OSMR: variants seen among roughly 807,000 people sequenced by gnomAD.
OSMR encodes the protein oncostatin M receptor.
Under a neutral mutation model 99.9 loss-of-function variants are expected in OSMR, and 81 were observed. The observed-to-expected ratio is 0.81, with a 90% CI of 0.68 to 0.97. OSMR has a LOEUF of 0.97. Ranked by LOEUF, OSMR falls within the 50% of genes least tolerant of loss-of-function variation. The probability of loss-of-function intolerance (pLI) is 0.00; values close to 1 mark genes in which losing one functional copy is unlikely to be tolerated. For missense variants in OSMR, 1,099 were observed against 1,153.4 expected (o/e 0.95, Z 0.68); for synonymous variants, 406 against 410.4 (o/e 0.99, Z 0.13).
intron 9 of OSMR, among the ~76,000 whole-genome samples, chr5:38,912,394 A>G (rs1745645002): frequency 6.6e-6 from 1 of 152,208 alleles, no homozygotes. Context: ...TACAAGGAGA[A>G]CTAGAAAACA....
chr5:38,893,669 G>A (rs1472261064), intron 7 of OSMR, among the ~76,000 whole-genome samples: 1 of 152,120 alleles, frequency 6.6e-6, no homozygotes, highest in Non-Finnish European at 1.5e-5. Flanking sequence ...AAGAAATATG[G>A]CATTATGTAA....
At chr5:38,937,216 G>T (rs533490762), downstream of OSMR, among the ~76,000 whole-genome samples, 1 of 152,146 alleles carries the variant, frequency 6.6e-6, no homozygotes, top group African/African-American at 2.4e-5. This position sits in a 1 kb window ranked among gnomAD's most constrained non-coding sequence, Gnocchi z 4.0. Context: ...TGTATTTTTA[G>T]TAGAGACGGG....
At chr5:38,890,128 A>G (rs758040975) in intron 7 of OSMR, among the ~76,000 whole-genome samples, 11 of 152,214 alleles carry the variant, frequency 7.2e-5, no homozygotes, top group South Asian at 2.1e-4. Context: ...GAAGGTGTCT[A>G]TGTGATACGT....
At chr5:38,875,493 T>C (rs146637541) in intron 2 of OSMR, among the ~76,000 whole-genome samples, 19 of 152,348 alleles carry the variant, frequency 1.2e-4, no homozygotes, top group African/African-American at 4.6e-4. Flanking sequence ...GCCACCAACT[T>C]CAGCAAATCT....
chr5:38,886,073 A>C lies in OSMR; in HGVS notation c.874A>C (p.Asn292His). The change falls in exon 7 of 18, where the codon AAC becomes CAC. Residue 292 changes from asparagine (N) to histidine (H), a missense_variant. By Grantham distance (68) the Asn-to-His change is moderately conservative. Transcript: ENST00000274276. ...GGAAAAGAAACTTTGTACACACAAA[A>C]ACTGGTGTAATTGGCAAATAACTCA... is the stretch of plus-strand genomic sequence containing the variant. ...SGEKKLCTHK[N>H]WCNWQITQDS... The C allele has an allele frequency of 1.9e-6, 3 of 1,613,764 alleles. No individual in the cohort carries two copies. Among genetic ancestry groups the C allele is most frequent in the Non-Finnish European group, 1.7e-6 (2 of 1,179,896 alleles).
intron 1 of OSMR, among the ~76,000 whole-genome samples, chr5:38,848,379 G>A (rs1410060298): frequency 1.3e-5 from 2 of 152,190 alleles, no homozygotes; most frequent in Non-Finnish European, 2.9e-5. Flanking sequence ...TTTTCCAACA[G>A]CTGTGTTGGT....
At chr5:38,872,882 T>C (rs1204401772) in intron 2 of OSMR, among the ~76,000 whole-genome samples, 3 of 152,208 alleles carry the variant, frequency 2.0e-5, no homozygotes, top group African/African-American at 7.2e-5. Context: ...AATTTGGCAA[T>C]AGAATGAAAA....
chr5:38,925,057 T>A, intron 14 of OSMR, 147 bp from the exon 15 acceptor site: 1 of 1,490,502 alleles, frequency 6.7e-7, no homozygotes, highest in Non-Finnish European at 8.9e-7. Flanking sequence ...GGTGATGAAA[T>A]TATGATTTGA....
chr5:38,883,994 A>C lies in OSMR; in HGVS notation c.586A>C (p.Thr196Pro). 4 of 1,613,224 alleles carry C rather than the reference A, an allele frequency of 2.5e-6. No homozygotes were observed. The highest frequency in any genetic ancestry group is 3.4e-6 in the Non-Finnish European group (4 of 1,179,126). The change falls in exon 5 of 18, where the codon ACT (threonine) becomes CCT (proline). Residue 196 changes from threonine (T) to proline (P), a missense_variant. Coordinates refer to ENST00000274276, the MANE Select transcript of OSMR (RefSeq NM_003999.3). ...IHGEQLDPHV[T>P]AFNLNSVPFI... Reference sequence around the variant, plus strand: ...TGGAGAACAACTTGATCCACATGTAACTGCATTCAACTTGAATAGTGTGCC... The same window carrying C: ...TGGAGAACAACTTGATCCACATGTACCTGCATTCAACTTGAATAGTGTGCC...
intron 15 of OSMR, among the ~76,000 whole-genome samples, chr5:38,927,131 C>CT (rs1244686914): frequency 6.6e-6 from 1 of 152,234 alleles, no homozygotes; most frequent in African/African-American, 2.4e-5. Context: ...ACCCCTGTGG[C>CT]TTTGCAGGGT....
intron 1 of OSMR, among the ~76,000 whole-genome samples, chr5:38,855,951 A>T (rs1462795699): frequency 6.6e-6 from 1 of 151,956 alleles, no homozygotes; most frequent in Non-Finnish European, 1.5e-5. Flanking sequence ...GGCTCTCACC[A>T]GCTTGCTTGT....
Position 38,846,155 on chromosome 5 carries a change from C to T in OSMR, c.-246C>T, listed in dbSNP as rs1403561518. 2 of 152,290 alleles carry T rather than the reference C, an allele frequency of 1.3e-5. No individual in the cohort carries two copies. Among genetic ancestry groups the T allele is most frequent in the African/African-American group, 4.8e-5 (2 of 41,452 alleles). The allele number at this position is 152,290 out of a possible 1,614,324, so 9.4% of individuals were successfully genotyped here. ...AGTACCCCCGACCCGCCCGTCCCCG[C>T]TCTGCTCGCGCCCTGCCGCTGCGCC... On this transcript the variant is annotated 5_prime_UTR_variant, in exon 1 of 18. Transcript: ENST00000274276.
At position 38,904,385 on chromosome 5, in the gene OSMR, C is replaced by T. The variant is rs1469724321; in HGVS notation, c.1167C>T (p.Tyr389=). ...TTTCCATCAAGGTGAACGGTGAGTA[C>T]TTCTTAAGTGAACTGGAACCTGCCA... ...YNVSIKVNGE[Y]FLSELEPATE... Residue 389 remains tyrosine, a synonymous_variant, in exon 9 of 18, where the codon TAC becomes TAT. Transcript: ENST00000274276. The T allele has an allele frequency of 6.2e-7, 1 of 1,614,008 alleles. No homozygotes were observed. The highest frequency in any genetic ancestry group is 1.3e-5 in the African/African-American group (1 of 74,996).
At chr5:38,944,639 T>C in intron 2 of OSMR, 1 of 1,362,996 alleles carries the variant, frequency 7.3e-7, no homozygotes. Context: ...TCATGAAATT[T>C]ATTTTTAAAC....
At chr5:38,866,594 C>T (rs1240819378) in intron 1 of OSMR, among the ~76,000 whole-genome samples, 1 of 152,112 alleles carries the variant, frequency 6.6e-6, no homozygotes, top group African/African-American at 2.4e-5. Context: ...ACACCACAGC[C>T]CTCTGAATGG....
At chr5:38,861,884 C>G (rs1208980805) in intron 1 of OSMR, among the ~76,000 whole-genome samples, 1 of 137,026 alleles carries the variant, frequency 7.3e-6, no homozygotes, top group East Asian at 3.0e-4. Context: ...CTGACCCCCC[C>G]ACCTCCCTCC....
At chr5:38,936,934 A>C (rs1342949250), downstream of OSMR, among the ~76,000 whole-genome samples, 1 of 152,264 alleles carries the variant, frequency 6.6e-6, no homozygotes, top group Non-Finnish European at 1.5e-5. Flanking sequence ...TTATATGCTA[A>C]AGTTTTAAAA....
chr5:38,924,454 A>G lies in OSMR; in HGVS notation c.1903A>G (p.Thr635Ala), dbSNP rs143613674. ...PSDNPHVLVD[T>A]LTSHSFTLSW... ...AGACAACCCTCACGTGCTGGTGGAT[A>G]CATTGACATCCCACTCCTTCACTCT... The change falls in exon 14 of 18, where the codon ACA (threonine) becomes GCA (alanine). Residue 635 changes from threonine (T) to alanine (A), a missense_variant. By Grantham distance (58) the Thr-to-Ala change is moderately conservative (BLOSUM62 0). Transcript: ENST00000274276. 15 of 1,613,968 alleles carry G rather than the reference A, an allele frequency of 9.3e-6. 1 individual carries two copies. Among genetic ancestry groups the G allele is most frequent in the Middle Eastern group, 1.6e-4 (1 of 6,084 alleles).
intron 10 of OSMR, chr5:38,918,536 A>G (rs981109507): frequency 4.9e-5 from 8 of 161,714 alleles, no homozygotes; most frequent in African/African-American, 1.9e-4. Flanking sequence ...TACCCCTCAC[A>G]TTCTTTTTTC....
Sources: allele counts gnomAD v4.1 joint callset (sites outside exome capture counted in the v4.1 genomes callset), GRCh38; gene constraint gnomAD v4.1.1; non-coding constraint Gnocchi (gnomAD v3.1); transcripts MANE v1.5; gene names NCBI Gene and HGNC (gene_info 2026-07-23, HGNC 2026-07-21).